The following ALG9 variants were observed in gnomAD, a reference collection of about 807,000 sequenced individuals.
The protein encoded by ALG9 is alpha-1,2-mannosyltransferase ALG9.
In ALG9, 55 loss-of-function variants were observed where a neutral mutation model predicts 81.8. The observed-to-expected ratio is 0.67, with a 90% CI of 0.54 to 0.84. ALG9 has a LOEUF of 0.84. Among genes scored for constraint, ALG9 ranks in the 40% least tolerant of loss-of-function variants. ALG9 has a pLI of 0.00. For synonymous variants in ALG9, 278 were observed against 274.3 expected (o/e 1.01, Z -0.13); for missense variants, 629 against 745.0 (o/e 0.84, Z 1.81).
At chr11:111,770,232 G>A in the ALG9 span, among the ~76,000 whole-genome samples, 1 of 152,176 alleles carries the variant, frequency 6.6e-6, no homozygotes, top group African/African-American at 2.4e-5. Flanking sequence ...CAGACCTACT[G>A]AATTAGAGTC....
intron 14 of ALG9, among the ~76,000 whole-genome samples, chr11:111,793,026 T>C (rs1320204440): frequency 1.3e-5 from 2 of 152,230 alleles, no homozygotes; most frequent in Non-Finnish European, 2.9e-5. Flanking sequence ...CTCTTTCACC[T>C]GGGCTGGAGT....
chr11:111,864,223 C>T, intron 4 of ALG9: 1 of 743,300 alleles, frequency 1.3e-6, no homozygotes, highest in South Asian at 1.4e-5. Context: ...GACCCACCAA[C>T]CCACGAACTG....
chr11:111,814,781 C>G (rs1951235830), intron 13 of ALG9: 1 of 152,196 alleles, frequency 6.6e-6, no homozygotes, highest in Non-Finnish European at 1.5e-5. Flanking sequence ...ACATAACTCT[C>G]TAAAAATGAT....
At chr11:111,807,666 T>C (rs536534312) in intron 14 of ALG9, among the ~76,000 whole-genome samples, 4 of 152,324 alleles carry the variant, frequency 2.6e-5, no homozygotes, top group South Asian at 2.1e-4. Flanking sequence ...ACCTAGAACA[T>C]TGCAGGCTCT....
the ALG9 span, among the ~76,000 whole-genome samples, chr11:111,770,563 C>T: frequency 2.6e-5 from 4 of 151,926 alleles, no homozygotes; most frequent in Non-Finnish European, 4.4e-5. Context: ...TAGCAGAGTC[C>T]GCTGGCACAC....
intron 1 of ALG9, 85 bp from the exon 2 acceptor site, chr11:111,870,455 G>A: frequency 1.4e-6 from 2 of 1,449,974 alleles, no homozygotes; most frequent in East Asian, 2.6e-5. Flanking sequence ...AGATAGAAAG[G>A]ACAAAAAGGG....
chr11:111,840,954 CA>C, intron 9 of ALG9, 145 bp from the exon 10 acceptor site: 1 of 975,106 alleles, frequency 1.0e-6, no homozygotes. Flanking sequence ...ACACTTTCTC[CA>C]ATGCCATAAA....
chr11:111,789,091 C>T (rs1377368576), intron 14 of ALG9, among the ~76,000 whole-genome samples: 1 of 151,988 alleles, frequency 6.6e-6, no homozygotes, highest in Non-Finnish European at 1.5e-5. Context: ...AATCCTCCTG[C>T]CTCGGTCTCC....
In ALG9 at chr11:111,871,540, T is replaced by C. The variant is rs782440068; in HGVS notation, c.-58A>G. On this transcript the variant is annotated 5_prime_UTR_variant, in exon 1 of 15. An upstream start codon of the reference 5' UTR is lost. Transcript: ENST00000616540. ...TATGAAGTCGGTGAGCGCGCAGACA[T>C]AGCTTTGGCTGGCAAACGGTGTCCG... 310 of 1,533,960 alleles carry C rather than the reference T, an allele frequency of 2.0e-4. 1 individual carries two copies. The highest frequency in any genetic ancestry group is 2.7e-4 in the Admixed American group (14 of 50,926).
At chr11:111,826,203 T>C (rs1038339269) in intron 13 of ALG9, among the ~76,000 whole-genome samples, 11 of 151,018 alleles carry the variant, frequency 7.3e-5, no homozygotes, top group African/African-American at 2.2e-4. Context: ...CTGGGCAACA[T>C]TGCCAGACCC....
chr11:111,856,075 G>C (rs190243358), intron 6 of ALG9, among the ~76,000 whole-genome samples: 1 of 151,964 alleles, frequency 6.6e-6, no homozygotes, highest in African/African-American at 2.4e-5. Flanking sequence ...TCAGGAGTTC[G>C]AGACCAGCCT....
intron 3 of ALG9, among the ~76,000 whole-genome samples, chr11:111,868,358 C>G (rs1566288673): frequency 1.3e-5 from 2 of 152,212 alleles, no homozygotes; most frequent in South Asian, 2.1e-4. Context: ...TTCATCTTCT[C>G]CACTAAACCA....
chr11:111,850,489 T>A (rs567683497), intron 8 of ALG9, among the ~76,000 whole-genome samples: 3 of 151,958 alleles, frequency 2.0e-5, no homozygotes, highest in African/African-American at 7.2e-5. Flanking sequence ...GCAGATCATT[T>A]GAGGTCAGGA....
At chr11:111,776,515 GA>G in the ALG9 span, among the ~76,000 whole-genome samples, 2 of 152,178 alleles carry the variant, frequency 1.3e-5, no homozygotes, top group Non-Finnish European at 2.9e-5. Flanking sequence ...TTGAACCCAG[GA>G]GGTGGAGCTT....
intron 14 of ALG9, among the ~76,000 whole-genome samples, chr11:111,793,111 G>C (rs1276893167): frequency 6.6e-6 from 1 of 152,122 alleles, no homozygotes; most frequent in Non-Finnish European, 1.5e-5. Flanking sequence ...AGCCTCCTGA[G>C]TAGTTGGGAC....
At chr11:111,862,486 G>A (rs567367952) in intron 4 of ALG9, among the ~76,000 whole-genome samples, 9 of 151,578 alleles carry the variant, frequency 5.9e-5, no homozygotes, top group Admixed American at 3.3e-4. Flanking sequence ...CACCTGCCTC[G>A]GCCTCCCTAA....
At chr11:111,857,502 G>T in intron 6 of ALG9, 100 bp downstream of exon 6, 1 of 1,513,056 alleles carries the variant, frequency 6.6e-7, no homozygotes, top group Non-Finnish European at 9.1e-7. Context: ...AAGCCCAATT[G>T]ATTAACTTCA....
chr11:111,844,801 T>G, intron 8 of ALG9, 78 bp from the exon 9 acceptor site: 1 of 1,490,000 alleles, frequency 6.7e-7, no homozygotes, highest in South Asian at 1.1e-5. Context: ...ATAATGTTCT[T>G]TGTTGGAATA....
chr11:111,848,659 A>G (rs1447998549), intron 8 of ALG9, among the ~76,000 whole-genome samples: 1 of 152,146 alleles, frequency 6.6e-6, no homozygotes, highest in Non-Finnish European at 1.5e-5. Flanking sequence ...TATAACCACA[A>G]TGGAGTGATT....
Sources: gnomAD v4.1 joint callset for allele counts (sites outside exome capture counted in the v4.1 genomes callset) on GRCh38, gnomAD v4.1.1 for gene constraint, MANE v1.5 for transcripts, NCBI Gene and HGNC (gene_info 2026-07-23, HGNC 2026-07-21) for gene names.